The following PRKRIP1 variants were observed in gnomAD, a reference collection of about 807,000 sequenced individuals.
The protein encoded by PRKRIP1 is PRKR interacting protein 1.
Under a neutral mutation model 29.3 loss-of-function variants are expected in PRKRIP1, and 29 were observed. The observed-to-expected ratio is 0.99, with a 90% CI of 0.74 to 1.35. The LOEUF (loss-of-function observed/expected upper bound fraction) is 1.35, where lower values mean the gene tolerates loss of function less well. PRKRIP1 is among the 40% of genes most tolerant of loss of function. The probability of loss-of-function intolerance (pLI) is 0.00; values close to 1 mark genes in which losing one functional copy is unlikely to be tolerated. For missense variants in PRKRIP1, 247 were observed against 236.8 expected (o/e 1.04, Z -0.28); for synonymous variants, 90 against 85.1 (o/e 1.06, Z -0.32).
At chr7:102,420,134 C>A (rs1250541684) in intron 5 of PRKRIP1, among the ~76,000 whole-genome samples, 1 of 152,154 alleles carries the variant, frequency 6.6e-6, no homozygotes, top group Non-Finnish European at 1.5e-5. Flanking sequence ...GATCTGCCCG[C>A]CTTGGCCTCC....
chr7:102,418,022 TTTCTTCTTCTTC>T (rs139908003), intron 5 of PRKRIP1, among the ~76,000 whole-genome samples: 5 of 141,166 alleles, frequency 3.5e-5, no homozygotes, highest in Non-Finnish European at 6.1e-5. Context: ...TGGCTGCTGC[TTTCTTCTTCTTC>T]TTCTTCTTCT....
intron 5 of PRKRIP1, among the ~76,000 whole-genome samples, chr7:102,422,806 C>T (rs1373168955): frequency 6.6e-6 from 1 of 152,146 alleles, no homozygotes; most frequent in Non-Finnish European, 1.5e-5. Context: ...TTATATTTAC[C>T]TTCAGGCTAT....
chr7:102,417,779 G>A (rs1375509336), intron 5 of PRKRIP1, among the ~76,000 whole-genome samples: 1 of 151,566 alleles, frequency 6.6e-6, no homozygotes, highest in Non-Finnish European at 1.5e-5. Flanking sequence ...CACCATGCCC[G>A]GCTCAGTTTT....
rs1398176702 is a variant in PRKRIP1, at chr7:102,396,667, A to T, written c.126+130A>T. 19 of 985,404 alleles carry T rather than the reference A, an allele frequency of 1.9e-5. No individual in the cohort carries two copies. In the Admixed American group the frequency reaches 5.5e-4, roughly 29 times the overall value. The allele number at this position is 985,404 out of a possible 1,614,324, so 61.0% of individuals were successfully genotyped here. On this transcript the variant is annotated intron_variant, in intron 1 of 5. Transcript: ENST00000397912. ...ACTCAGTATCCGACCCTCCAAGAGC[A>T]GTCTTTGGGGAGGAGGAGGAGAAGG...
At position 102,404,678 on chromosome 7, in the gene PRKRIP1, G is replaced by T. The variant is rs1796163801; in HGVS notation, c.387G>T (p.Lys129Asn). 1.2e-6 allele frequency: 2 copies of T among 1,613,206 alleles called. No individual in the cohort carries two copies. The highest frequency in any genetic ancestry group is 8.5e-7 in the Non-Finnish European group (1 of 1,179,662). ...AGGAGCAGACCGCAAAGCGCCGGAA[G>T]AAGCGGTAAGCGGCATGGCCTAACT... ...AAEEQTAKRR[K>N]KRQKLKEKKL... Residue 129 changes from lysine to asparagine, a missense_variant, in exon 4 of 6, where the codon AAG becomes AAT. Lys to Asn is a moderately conservative substitution (Grantham distance 94). Around this residue, in one of 3 missense-constraint regions of PRKRIP1, gnomAD observed 134 missense variants for 126.6 expected, o/e 1.06. Transcript: ENST00000397912.
rs138769636 is a variant in PRKRIP1, at chr7:102,410,387, A to G, written c.457+2889A>G. On this transcript the variant is annotated intron_variant, in intron 5 of 5. Coordinates refer to ENST00000397912, the MANE Select transcript of PRKRIP1 (RefSeq NM_024653.4). Reference sequence around the variant, plus strand: ...AAACGCCCAGGGGAAAATGCTGTTCACGTTGAGTGAGCTCAACTCAATACT... The same window carrying G: ...AAACGCCCAGGGGAAAATGCTGTTCGCGTTGAGTGAGCTCAACTCAATACT... Among the ~76,000 whole-genome samples, 483 of 152,308 alleles carry G rather than the reference A, an allele frequency of 3.2e-3. 5 individuals carry two copies. The highest frequency in any genetic ancestry group is 0.011 in the African/African-American group (461 of 41,566).
In PRKRIP1 at chr7:102,425,172, G is replaced by A. The variant is rs781924000; in HGVS notation, c.*61G>A. On this transcript the variant is annotated 3_prime_UTR_variant, in exon 6 of 6. Coordinates refer to ENST00000397912, the MANE Select transcript of PRKRIP1 (RefSeq NM_024653.4). ...CGTGCTGTGACCAGAAGGGAAAGGCGGCTGTTTGGCTCTTTCTCCCCCGCA... is the reference window on the plus strand; with the variant it reads ...CGTGCTGTGACCAGAAGGGAAAGGCAGCTGTTTGGCTCTTTCTCCCCCGCA... 2.0e-5 allele frequency: 31 copies of A among 1,559,588 alleles called. 1 individual carries two copies. The highest frequency in any genetic ancestry group is 1.1e-4 in the African/African-American group (8 of 73,966).
intron 5 of PRKRIP1, among the ~76,000 whole-genome samples, chr7:102,410,875 C>A (rs181206888): frequency 5.9e-5 from 9 of 152,220 alleles, no homozygotes; most frequent in Admixed American, 5.9e-4. Flanking sequence ...GACAGTCTGT[C>A]TCTTTCTTGA....
rs1489603153 is a variant in PRKRIP1, at chr7:102,399,654, T to G, written c.306+6T>G. ...TGGATGCCATGGCTGAGAAGGTCAGTGAGCCAGAAGGCTGGCTGAGCCCCC... is the reference window on the plus strand; with the variant it reads ...TGGATGCCATGGCTGAGAAGGTCAGGGAGCCAGAAGGCTGGCTGAGCCCCC... On this transcript the variant is annotated splice_donor_region_variant and intron_variant, in intron 3 of 5. Transcript: ENST00000397912. The G allele has an allele frequency of 3.1e-6, 5 of 1,603,768 alleles. No individual in the cohort carries two copies. The African/African-American group carries it at 6.7e-5, about 21-fold the overall frequency.
chr7:102,418,047 TTC>T (rs1554573340), intron 5 of PRKRIP1, among the ~76,000 whole-genome samples: 4 of 70,460 alleles, frequency 5.7e-5, no homozygotes, highest in African/African-American at 2.0e-4. Context: ...CTTCTTCTTC[TTC>T]TTTTTTTTTT....
rs1554570390 is a variant in PRKRIP1 at position 102,396,545 on chromosome 7, G to A, written c.126+8G>A. Reference sequence around the variant, plus strand: ...CGGCTCATGAAGAACCCGGTGAGACGAGGCCCAGGCTCCACGGCCCGTCCG... The same window carrying A: ...CGGCTCATGAAGAACCCGGTGAGACAAGGCCCAGGCTCCACGGCCCGTCCG... On this transcript the variant is annotated splice_region_variant and intron_variant, in intron 1 of 5. Transcript: ENST00000397912. 4.4e-6 allele frequency: 7 copies of A among 1,605,494 alleles called. No homozygotes were observed. The highest frequency in any genetic ancestry group is 2.2e-5 in the South Asian group (2 of 90,786).
rs1586671392 is a variant in PRKRIP1 at position 102,397,519 on chromosome 7, C to T, written c.127-101C>T. 5 of 948,670 alleles carry T rather than the reference C, an allele frequency of 5.3e-6. No individual in the cohort carries two copies. In the South Asian group the frequency reaches 7.6e-5, roughly 14 times the overall value. The allele number at this position is 948,670 out of a possible 1,614,324, so 58.8% of individuals were successfully genotyped here. ...TCTGATTGCACCACTGCACTCCAGC[C>T]TGAGGAACAGAGCAAGAACCTGTCT... On this transcript the variant is annotated intron_variant, in intron 1 of 5. Coordinates refer to ENST00000397912, the MANE Select transcript of PRKRIP1 (RefSeq NM_024653.4).
chr7:102,415,314 G>A (rs757337868), intron 5 of PRKRIP1, among the ~76,000 whole-genome samples: 1 of 152,188 alleles, frequency 6.6e-6, no homozygotes, highest in Non-Finnish European at 1.5e-5. Context: ...TCAGCTCACT[G>A]CAACCTCCGC....
At position 102,425,970 on chromosome 7, in the gene PRKRIP1, T is replaced by C. The variant is rs1796820316; in HGVS notation, c.*859T>C. 6.5e-6 allele frequency: 1 copy of C among 153,212 alleles called. No individual in the cohort carries two copies. The highest frequency in any genetic ancestry group is 2.0e-4 in the South Asian group (1 of 4,928). The allele number at this position is 153,212 out of a possible 1,614,324, so 9.5% of individuals were successfully genotyped here. A position where few individuals can be genotyped will look rare whatever the true frequency, so the allele number is the denominator to read the frequency against. On this transcript the variant is annotated 3_prime_UTR_variant, in exon 6 of 6. Transcript: ENST00000397912. ...CAAGTGGGTGGAGCTCCTCCTTGCA[T>C]GACTGCAACTGTCGGGGCTTTCCGC...
At chr7:102,407,326 T>C (rs1336686198) in intron 4 of PRKRIP1, 108 bp from the exon 5 acceptor site, 5 of 651,728 alleles carry the variant, frequency 7.7e-6, no homozygotes, top group Non-Finnish European at 1.3e-5. Flanking sequence ...GTTATTGTAA[T>C]GTTTGTGTTA....
rs1433507811 is a variant in PRKRIP1, at chr7:102,397,516, A to G, written c.127-104A>G. The G allele has an allele frequency of 2.8e-5, 26 of 914,132 alleles. No individual in the cohort carries two copies. In the East Asian group the frequency reaches 6.2e-4, roughly 22 times the overall value. 56.6% of individuals were successfully genotyped at this position (914,132 alleles called of 1,614,324 possible). On this transcript the variant is annotated intron_variant, in intron 1 of 5. Transcript: ENST00000397912. ...AGCTCTGATTGCACCACTGCACTCC[A>G]GCCTGAGGAACAGAGCAAGAACCTG...
At chr7:102,415,298 G>A (rs573459047) in intron 5 of PRKRIP1, among the ~76,000 whole-genome samples, 3 of 152,290 alleles carry the variant, frequency 2.0e-5, no homozygotes, top group East Asian at 1.9e-4. Flanking sequence ...GTGCAGTGGC[G>A]CCAGCTCAGC....
chr7:102,416,081 C>A (rs191736978), intron 5 of PRKRIP1, among the ~76,000 whole-genome samples: 42 of 152,362 alleles, frequency 2.8e-4, no homozygotes, highest in Middle Eastern at 3.4e-3. Flanking sequence ...CCTCACCTTC[C>A]TCCGGCCCCC....
intron 5 of PRKRIP1, among the ~76,000 whole-genome samples, chr7:102,414,021 A>G (rs1796467180): frequency 6.6e-6 from 1 of 152,208 alleles, no homozygotes; most frequent in African/African-American, 2.4e-5. Flanking sequence ...TGAGGTCAGG[A>G]GTTCAAGACC....
Sources: gnomAD v4.1 joint callset for allele counts (sites outside exome capture counted in the v4.1 genomes callset) on GRCh38, gnomAD v4.1.1 for gene constraint, gnomAD v4.1.1 regional missense constraint, MANE v1.5 for transcripts, NCBI Gene and HGNC (gene_info 2026-07-23, HGNC 2026-07-21) for gene names.